HS6ST3: variants seen among roughly 807,000 people sequenced by gnomAD.
HS6ST3 encodes the protein heparan sulfate 6-O-sulfotransferase 3, also known as heparan-sulfate 6-O-sulfotransferase 3.
HS6ST3 carries 12 observed loss-of-function variants against 36.7 expected under a neutral mutation model. The observed-to-expected ratio is 0.33, with a 90% confidence interval of 0.21 to 0.53. The LOEUF (loss-of-function observed/expected upper bound fraction) is 0.53, where lower values mean the gene tolerates loss of function less well. Ranked by LOEUF, HS6ST3 falls within the 20% of genes least tolerant of loss-of-function variation. The pLI is 0.95. For missense variants in HS6ST3, 584 were observed against 640.9 expected, an observed-to-expected ratio of 0.91 and a Z score of 0.96; for synonymous variants, 240 against 257.5, an observed-to-expected ratio of 0.93 and a Z score of 0.65.
chr13:96,418,090 G>A (rs749983342), intron 1 of HS6ST3, among the ~76,000 whole-genome samples: 1 of 152,022 alleles, frequency 6.6e-6, no homozygotes, highest in Non-Finnish European at 1.5e-5. Flanking sequence ...TTGTGCTTAG[G>A]ACTACCGGGC....
intron 1 of HS6ST3, among the ~76,000 whole-genome samples, chr13:96,108,699 G>T (rs925093231): frequency 5.3e-5 from 8 of 152,080 alleles, no homozygotes; most frequent in Non-Finnish European, 1.0e-4. Flanking sequence ...TTAAAATATT[G>T]GGGGCTGGTT....
intron 1 of HS6ST3, among the ~76,000 whole-genome samples, chr13:96,570,472 C>T (rs775022387): frequency 6.6e-6 from 1 of 152,134 alleles, no homozygotes; most frequent in Non-Finnish European, 1.5e-5. Context: ...AAAGGATAAA[C>T]AAAGCTGCAG....
chr13:96,427,672 A>G (rs2055593960), intron 1 of HS6ST3, among the ~76,000 whole-genome samples: 2 of 152,220 alleles, frequency 1.3e-5, no homozygotes, highest in South Asian at 4.1e-4. Flanking sequence ...GCATAATTAT[A>G]GGACCTTTAT....
At position 96,281,149 on chromosome 13, in the gene HS6ST3, G is replaced by A. The variant is rs145810329; in HGVS notation, c.707+189580G>A. On this transcript the variant is annotated intron_variant, in intron 1 of 1. Coordinates refer to ENST00000376705, the MANE Select transcript of HS6ST3 (RefSeq NM_153456.4). The stretch of plus-strand genomic sequence containing the variant: ...GCCTCCTGAGTACCTGGGACTACAG[G>A]TGCGCGCCACCACACCCAGCTAATT... Among the ~76,000 whole-genome samples, 110 of 152,204 alleles carry A rather than the reference G, an allele frequency of 7.2e-4. 2 individuals carry two copies. Among genetic ancestry groups the A allele is most frequent in the African/African-American group, 2.5e-3 (105 of 41,524 alleles).
intron 1 of HS6ST3, among the ~76,000 whole-genome samples, chr13:96,254,478 TATATATATATATATATATATAC>T (rs1214056157): frequency 0.017 from 173 of 10,310 alleles, 13 homozygotes; most frequent in African/African-American, 0.039. Flanking sequence ...TATATATATA[TATATATATATATATATATATAC>T]ACATACATAC....
intron 1 of HS6ST3, among the ~76,000 whole-genome samples, chr13:96,309,446 T>C (rs981405751): frequency 6.6e-6 from 1 of 152,196 alleles, no homozygotes; most frequent in Non-Finnish European, 1.5e-5. Context: ...ATTGAATTCC[T>C]GTCCCAAGTA....
At chr13:96,486,990 G>A (rs2055918652) in intron 1 of HS6ST3, among the ~76,000 whole-genome samples, 3 of 152,136 alleles carry the variant, frequency 2.0e-5, no homozygotes, top group African/African-American at 7.2e-5. Context: ...GGAACTCGAA[G>A]AGATAAAACA....
chr13:96,680,388 C>G (rs9556612), intron 1 of HS6ST3, among the ~76,000 whole-genome samples: 8,389 of 152,130 alleles, frequency 0.055, 408 homozygotes, highest in East Asian at 0.3. Context: ...CCTGTGAGAT[C>G]CCCAGACTGC....
At position 96,280,387 on chromosome 13, in the gene HS6ST3, C is replaced by T. The variant is rs537733994; in HGVS notation, c.707+188818C>T. ...TCCATTCTACGTTTATTATTTCTAT[C>T]AGCAAAGTGATATGTAACTGCAGCC... On this transcript the variant is annotated intron_variant, in intron 1 of 1. Coordinates refer to ENST00000376705, the MANE Select transcript of HS6ST3 (RefSeq NM_153456.4). 1.2e-3 allele frequency among the ~76,000 whole-genome samples: 175 copies of T among 152,072 alleles called. 1 individual carries two copies. The highest frequency in any genetic ancestry group is 3.2e-3 in the African/African-American group (131 of 41,484).
chr13:96,429,114 G>T (rs1287211933), intron 1 of HS6ST3, among the ~76,000 whole-genome samples: 1 of 152,164 alleles, frequency 6.6e-6, no homozygotes, highest in African/African-American at 2.4e-5. Context: ...GCTGATGGGG[G>T]ATTTAATTAT....
At chr13:96,797,131 TG>T (rs1566456057) in intron 1 of HS6ST3, among the ~76,000 whole-genome samples, 1 of 152,112 alleles carries the variant, frequency 6.6e-6, no homozygotes, top group Non-Finnish European at 1.5e-5. Context: ...TTATATTTAT[TG>T]ACCCTTCAAC....
intron 1 of HS6ST3, among the ~76,000 whole-genome samples, chr13:96,127,606 C>T (rs914673091): frequency 3.3e-5 from 5 of 152,178 alleles, no homozygotes; most frequent in African/African-American, 9.6e-5. Context: ...TGGTTGGAGC[C>T]GTCTGTTATC....
chr13:96,525,115 T>C (rs1295332730), intron 1 of HS6ST3, among the ~76,000 whole-genome samples: 1 of 152,242 alleles, frequency 6.6e-6, no homozygotes, highest in Non-Finnish European at 1.5e-5. Context: ...GTTCTCTTTG[T>C]TTTCTGGATT....
intron 1 of HS6ST3, among the ~76,000 whole-genome samples, chr13:96,480,981 A>G (rs2055887610): frequency 6.6e-6 from 1 of 152,258 alleles, no homozygotes; most frequent in Non-Finnish European, 1.5e-5. Flanking sequence ...TAAACCATAA[A>G]TGGTAAATCA....
At chr13:96,304,691 C>CTT (rs1485955936) in intron 1 of HS6ST3, among the ~76,000 whole-genome samples, 9 of 89,482 alleles carry the variant, frequency 1.0e-4, no homozygotes, top group African/African-American at 4.7e-4. Context: ...TTCTTTCTTT[C>CTT]TTTCTTTCTT....
chr13:96,324,370 G>A (rs765626097), intron 1 of HS6ST3, among the ~76,000 whole-genome samples: 49 of 152,094 alleles, frequency 3.2e-4, no homozygotes, highest in Non-Finnish European at 5.7e-4. Context: ...AAGTGAAGAA[G>A]GTGTTTGAAA....
chr13:96,667,901 C>A (rs1159755599), intron 1 of HS6ST3, among the ~76,000 whole-genome samples: 1 of 152,048 alleles, frequency 6.6e-6, no homozygotes, highest in Non-Finnish European at 1.5e-5. Context: ...GTCTGTAAAC[C>A]CAGAAGCCAC....
rs71213623 is a variant in HS6ST3, at chr13:96,658,268, C to CTTTTTTTTTTTTTTTTT, written c.708-174208_708-174192dup. On this transcript the variant is annotated intron_variant, in intron 1 of 1. Transcript: ENST00000376705. ...TTCTTCTTCTTCTTCTCTTCTTCTT[C>CTTTTTTTTTTTTTTTTT]TTTTTTTTTTTTTTTTTTTTTTTTT... Among the ~76,000 whole-genome samples, 118 of 76,108 alleles carry CTTTTTTTTTTTTTTTTT rather than the reference C, an allele frequency of 1.6e-3. 12 individuals are homozygous for CTTTTTTTTTTTTTTTTT. Among genetic ancestry groups the CTTTTTTTTTTTTTTTTT allele is most frequent in the East Asian group, 6.2e-3 (12 of 1,932 alleles). 49.9% of individuals were successfully genotyped at this position (76,108 alleles called of 152,430 possible). A position where few individuals can be genotyped will look rare whatever the true frequency, so the allele number is the denominator to read the frequency against.
chr13:96,810,185 G>A (rs933100375), intron 1 of HS6ST3, among the ~76,000 whole-genome samples: 1 of 152,100 alleles, frequency 6.6e-6, no homozygotes, highest in African/African-American at 2.4e-5. Flanking sequence ...CTAAGTACAG[G>A]GTAATCCTAC....
Sources: allele counts gnomAD v4.1 joint callset (sites outside exome capture counted in the v4.1 genomes callset), GRCh38; gene constraint gnomAD v4.1.1; transcripts MANE v1.5; gene names NCBI Gene and HGNC (gene_info 2026-07-23, HGNC 2026-07-21).